Variants in IFNG-AS1 observed in about 807,000 individuals in gnomAD.
IFNG-AS1 encodes the protein IFNG antisense RNA 1 (non-protein coding).
chr12:67,991,726 C>T (rs1334579960), intron 1 of IFNG-AS1, among the ~76,000 whole-genome samples: 2 of 152,176 alleles, frequency 1.3e-5, no homozygotes, highest in African/African-American at 2.4e-5. Context: ...TGCAACTATG[C>T]CCTCACATGA....
At chr12:68,013,814 A>T (rs1880086448) in intron 3 of IFNG-AS1, among the ~76,000 whole-genome samples, 1 of 152,142 alleles carries the variant, frequency 6.6e-6, no homozygotes, top group African/African-American at 2.4e-5. Context: ...CCCATAGGAT[A>T]TTGGGGTACA....
intron 1 of IFNG-AS1, among the ~76,000 whole-genome samples, chr12:67,991,886 TC>T (rs2120407774): frequency 6.6e-6 from 1 of 152,372 alleles, no homozygotes. Context: ...GAGAAAATTA[TC>T]TAGAATGAAA....
At chr12:68,007,300 T>A (rs1322173483) in intron 3 of IFNG-AS1, among the ~76,000 whole-genome samples, 1 of 152,230 alleles carries the variant, frequency 6.6e-6, no homozygotes, top group Non-Finnish European at 1.5e-5. Flanking sequence ...AAGCACTCTA[T>A]GAATCATTAA....
chr12:67,993,890 T>TAAACTAAA (rs1879573931), intron 1 of IFNG-AS1, among the ~76,000 whole-genome samples: 1 of 152,240 alleles, frequency 6.6e-6, no homozygotes, highest in Non-Finnish European at 1.5e-5. Flanking sequence ...CACATATATT[T>TAAACTAAA]CTTAAACATA....
intron 2 of IFNG-AS1, among the ~76,000 whole-genome samples, chr12:68,000,635 G>A (rs547255668): frequency 2.1e-4 from 32 of 152,068 alleles, no homozygotes; most frequent in African/African-American, 6.8e-4. Flanking sequence ...TTGCACTAAC[G>A]CACTCCAGAC....
At chr12:68,003,425 CTT>C (rs755483588) in intron 2 of IFNG-AS1, among the ~76,000 whole-genome samples, 16 of 142,668 alleles carry the variant, frequency 1.1e-4, no homozygotes, top group Non-Finnish European at 1.2e-4. Flanking sequence ...ATATTCCCCC[CTT>C]TTTTTTTTTT....
intron 3 of IFNG-AS1, among the ~76,000 whole-genome samples, chr12:68,009,031 T>G (rs1879967261): frequency 6.6e-6 from 1 of 152,216 alleles, no homozygotes; most frequent in African/African-American, 2.4e-5. Context: ...ATTCCAAACT[T>G]GGCCATTTGA....
intron 1 of IFNG-AS1, among the ~76,000 whole-genome samples, chr12:67,993,254 T>C (rs530948856): frequency 6.6e-6 from 1 of 152,360 alleles, no homozygotes; most frequent in East Asian, 1.9e-4. Flanking sequence ...TTTTACGCAG[T>C]TCATGATGTA....
At chr12:68,007,382 C>T (rs1398275669) in intron 3 of IFNG-AS1, among the ~76,000 whole-genome samples, 3 of 152,158 alleles carry the variant, frequency 2.0e-5, no homozygotes, top group African/African-American at 7.2e-5. Context: ...TTCATATACC[C>T]CCTTGACAAT....
intron 2 of IFNG-AS1, among the ~76,000 whole-genome samples, chr12:67,996,503 T>G (rs532278888): frequency 6.6e-6 from 1 of 152,332 alleles, no homozygotes; most frequent in East Asian, 1.9e-4. Flanking sequence ...TAAAGTACAA[T>G]GAGTTCACAC....
chr12:68,005,256 C>T (rs2120448050), intron 2 of IFNG-AS1, among the ~76,000 whole-genome samples: 1 of 152,314 alleles, frequency 6.6e-6, no homozygotes, highest in South Asian at 2.1e-4. Flanking sequence ...GTTAAAACTG[C>T]AGGAAGTAGA....
intron 3 of IFNG-AS1, among the ~76,000 whole-genome samples, chr12:68,008,403 G>T (rs371621323): frequency 1.5e-4 from 16 of 106,232 alleles, no homozygotes; most frequent in Non-Finnish European, 2.6e-4. Context: ...GCGACAGCAC[G>T]AGACACCATC....
intron 1 of IFNG-AS1, among the ~76,000 whole-genome samples, chr12:67,990,229 T>C (rs1214521189): frequency 6.6e-6 from 1 of 152,264 alleles, no homozygotes; most frequent in Non-Finnish European, 1.5e-5. Flanking sequence ...TTAAGTTAAA[T>C]CACGTAAATA....
intron 3 of IFNG-AS1, among the ~76,000 whole-genome samples, chr12:68,011,526 G>C (rs535810148): frequency 6.6e-6 from 1 of 152,286 alleles, no homozygotes; most frequent in African/African-American, 2.4e-5. Flanking sequence ...TAGAAAGAAG[G>C]ACCATGGAAC....
intron 3 of IFNG-AS1, among the ~76,000 whole-genome samples, chr12:68,018,175 T>C (rs978142800): frequency 1.3e-5 from 2 of 152,144 alleles, no homozygotes; most frequent in Non-Finnish European, 2.9e-5. Flanking sequence ...TCTTCCACCA[T>C]AGAATTTACC....
At chr12:68,011,488 A>G (rs1211523522) in intron 3 of IFNG-AS1, among the ~76,000 whole-genome samples, 1 of 152,208 alleles carries the variant, frequency 6.6e-6, no homozygotes, top group Non-Finnish European at 1.5e-5. Flanking sequence ...TTACATTTTC[A>G]CAGACATCAT....
At chr12:68,004,466 G>A (rs563810407) in intron 2 of IFNG-AS1, among the ~76,000 whole-genome samples, 10 of 152,112 alleles carry the variant, frequency 6.6e-5, no homozygotes, top group Admixed American at 3.9e-4. Flanking sequence ...TGATATAATC[G>A]TGTGGTAGCA....
chr12:67,991,465 T>C (rs1879510335), intron 1 of IFNG-AS1, among the ~76,000 whole-genome samples: 1 of 152,176 alleles, frequency 6.6e-6, no homozygotes, highest in South Asian at 2.1e-4. Context: ...CAGGGGATGC[T>C]CGACTGTGGC....
At chr12:68,001,005 T>G (rs925333373) in intron 2 of IFNG-AS1, among the ~76,000 whole-genome samples, 1 of 152,192 alleles carries the variant, frequency 6.6e-6, no homozygotes. Flanking sequence ...CTATAAAGGA[T>G]AGGCCTATTT....
Sources: allele counts gnomAD v4.1 joint callset (sites outside exome capture counted in the v4.1 genomes callset), GRCh38; gene constraint gnomAD v4.1.1; transcripts MANE v1.5; gene names NCBI Gene and HGNC (gene_info 2026-07-23, HGNC 2026-07-21).